TRDN: variants seen among roughly 807,000 people sequenced by gnomAD.
TRDN encodes the protein triadin, also known as triadin in skeletal muscle.
TRDN carries 161 observed loss-of-function variants against 149.7 expected under a neutral mutation model. The ratio of observed to expected loss-of-function variants is 1.08; its 90% CI spans 0.95 to 1.23. The LOEUF (loss-of-function observed/expected upper bound fraction) is 1.23, where lower values mean the gene tolerates loss of function less well. Ranked by LOEUF, TRDN falls within the 50% of genes most tolerant of loss-of-function variation. The pLI, the probability that TRDN is intolerant of heterozygous loss-of-function variation, is 0.00. For missense variants in TRDN, 896 were observed against 823.5 expected (o/e 1.09, Z -1.08); for synonymous variants, 294 against 250.5 (o/e 1.17, Z -1.64).
rs201431159 is a variant in TRDN at position 123,464,887 on chromosome 6, G to GA, written c.931+18dup. Reference sequence around the variant, plus strand: ...TTTTATCTACAATAGAGATCTTTAAGAAAAAAAAAAGTACTTGCCTTCAAG... The same window carrying GA: ...TTTTATCTACAATAGAGATCTTTAAGAAAAAAAAAAAGTACTTGCCTTCAAG... On this transcript the variant is annotated intron_variant, in intron 10 of 40. Coordinates refer to ENST00000334268, the MANE Select transcript of TRDN (RefSeq NM_006073.4). 2,255 of 1,399,904 alleles carry GA rather than the reference G, an allele frequency of 1.6e-3. No individual in the cohort carries two copies. The highest frequency in any genetic ancestry group is 3.3e-3 in the South Asian group (241 of 72,062). 86.7% of individuals were successfully genotyped at this position (1,399,904 alleles called of 1,614,324 possible).
At chr6:123,605,431 C>A (rs577350765) in intron 1 of TRDN, among the ~76,000 whole-genome samples, 2 of 151,636 alleles carry the variant, frequency 1.3e-5, no homozygotes, top group Admixed American at 6.6e-5. Flanking sequence ...CATAACACAT[C>A]AGATGTGTAA....
At chr6:123,593,727 T>C (rs1276462333) in intron 1 of TRDN, among the ~76,000 whole-genome samples, 1 of 152,170 alleles carries the variant, frequency 6.6e-6, no homozygotes, top group Non-Finnish European at 1.5e-5. Context: ...CTTGATTACC[T>C]CTGTAAAGAC....
chr6:123,596,138 TA>T (rs1784027940), intron 1 of TRDN, among the ~76,000 whole-genome samples: 1 of 152,048 alleles, frequency 6.6e-6, no homozygotes, highest in Non-Finnish European at 1.5e-5. Context: ...GGTGAGGACA[TA>T]AATGATAAAA....
chr6:123,553,518 T>C (rs1000004777), intron 2 of TRDN, among the ~76,000 whole-genome samples: 1 of 152,138 alleles, frequency 6.6e-6, no homozygotes, highest in Non-Finnish European at 1.5e-5. Flanking sequence ...TCAAGCACAG[T>C]GTACGTAAAC....
chr6:123,231,996 G>C (rs141510008), intron 38 of TRDN, among the ~76,000 whole-genome samples: 97 of 152,068 alleles, frequency 6.4e-4, no homozygotes, highest in African/African-American at 2.2e-3. Context: ...GACAAAGGGC[G>C]AAGTTAGGAA....
chr6:123,592,379 A>G (rs111980404), intron 1 of TRDN, among the ~76,000 whole-genome samples: 3,283 of 152,278 alleles, frequency 0.022, 45 homozygotes, highest in Middle Eastern at 0.054. Flanking sequence ...AAAATAAATG[A>G]AAAATGAGAC....
rs576129752 is a variant in TRDN, at chr6:123,317,416, G to A, written c.1472-921C>T. Among the ~76,000 whole-genome samples, 5 of 152,022 alleles carry A rather than the reference G, an allele frequency of 3.3e-5. No homozygotes were observed. In the East Asian group the frequency reaches 5.8e-4, roughly 18 times the overall value. On this transcript the variant is annotated intron_variant, in intron 23 of 40. Coordinates refer to ENST00000334268, the MANE Select transcript of TRDN (RefSeq NM_006073.4). ...GCTTTATTTGGGTTTTAGTCTAGCA[G>A]TGTCTCATTTTCTGTAGTTATAATT...
intron 21 of TRDN, among the ~76,000 whole-genome samples, chr6:123,348,675 A>G (rs1780344865): frequency 6.6e-6 from 1 of 152,130 alleles, no homozygotes; most frequent in Admixed American, 6.6e-5. Flanking sequence ...AAGATTCTTA[A>G]GGGAAAAAGA....
chr6:123,263,458 T>G (rs1776840569), intron 33 of TRDN, among the ~76,000 whole-genome samples: 1 of 152,032 alleles, frequency 6.6e-6, no homozygotes, highest in South Asian at 2.1e-4. Context: ...CAGAAAGTTA[T>G]CCAGATCTAG....
Position 123,497,260 on chromosome 6 carries a change from A to T in TRDN, c.794-8T>A. On this transcript the variant is annotated splice_polypyrimidine_tract_variant and splice_region_variant and intron_variant, in intron 8 of 40. Coordinates refer to ENST00000334268, the MANE Select transcript of TRDN (RefSeq NM_006073.4). ...GACAGAATGCATACTGATCTGACAG[A>T]GTAGAAAGAAAAAGAGCAATGAAAA... 1 of 1,508,990 alleles carries T rather than the reference A, an allele frequency of 6.6e-7. No homozygotes were observed. The highest frequency in any genetic ancestry group is 1.3e-5 in the South Asian group (1 of 76,864). 93.5% of individuals were successfully genotyped at this position (1,508,990 alleles called of 1,614,324 possible).
At chr6:123,570,902 G>A (rs747399049) in intron 2 of TRDN, 21 bp downstream of exon 2, 2 of 1,605,972 alleles carry the variant, frequency 1.2e-6, no homozygotes, top group Admixed American at 3.3e-5. Flanking sequence ...TAATTTTAAA[G>A]CCAAATTTTA....
chr6:123,610,768 A>G (rs1368594138), intron 1 of TRDN, among the ~76,000 whole-genome samples: 1 of 152,204 alleles, frequency 6.6e-6, no homozygotes, highest in Non-Finnish European at 1.5e-5. Context: ...AAGTTAAATG[A>G]ATGTGGTCCC....
At chr6:123,525,544 G>A (rs144988128) in intron 5 of TRDN, among the ~76,000 whole-genome samples, 70 of 152,042 alleles carry the variant, frequency 4.6e-4, no homozygotes, top group African/African-American at 1.6e-3. Context: ...TCAAAAAATG[G>A]GGAGATTGGA....
intron 8 of TRDN, among the ~76,000 whole-genome samples, chr6:123,501,608 T>C (rs1778702909): frequency 6.6e-6 from 1 of 152,114 alleles, no homozygotes; most frequent in Admixed American, 6.6e-5. Context: ...ATATGTCTGA[T>C]CTGCCATTAG....
At chr6:123,386,588 G>A (rs188510622) in intron 14 of TRDN, among the ~76,000 whole-genome samples, 2 of 152,284 alleles carry the variant, frequency 1.3e-5, no homozygotes, top group Admixed American at 1.3e-4. Context: ...CGGGAGGCTT[G>A]TAAAGACCTG....
At chr6:123,550,146 G>A (rs1380148047) in intron 2 of TRDN, among the ~76,000 whole-genome samples, 1 of 151,988 alleles carries the variant, frequency 6.6e-6, no homozygotes, top group Non-Finnish European at 1.5e-5. Context: ...AAGACAGAAG[G>A]TATCAAAGCC....
At chr6:123,446,780 A>G (rs1204600189) in intron 10 of TRDN, among the ~76,000 whole-genome samples, 1 of 152,116 alleles carries the variant, frequency 6.6e-6, no homozygotes, top group Non-Finnish European at 1.5e-5. Context: ...GAGAAGTTAT[A>G]CAATTCTGAG....
At chr6:123,438,150 C>T (rs192872743) in intron 11 of TRDN, 28 bp from the exon 12 acceptor site, 2 of 1,520,378 alleles carry the variant, frequency 1.3e-6, no homozygotes, top group Non-Finnish European at 1.8e-6. Context: ...AAGTTATAAG[C>T]CTTTACCTGT....
intron 20 of TRDN, among the ~76,000 whole-genome samples, chr6:123,359,877 A>G (rs557135470): frequency 6.6e-6 from 1 of 152,106 alleles, no homozygotes; most frequent in African/African-American, 2.4e-5. Flanking sequence ...TCGTATTTTT[A>G]GTAGAGACGG....
Sources: allele counts gnomAD v4.1 joint callset (sites outside exome capture counted in the v4.1 genomes callset), GRCh38; gene constraint gnomAD v4.1.1; transcripts MANE v1.5; gene names NCBI Gene and HGNC (gene_info 2026-07-23, HGNC 2026-07-21).